The following MKLN1 variants were observed in gnomAD, a reference collection of about 807,000 sequenced individuals.
MKLN1 encodes the protein muskelin 1, also known as muskelin.
In MKLN1, 18 loss-of-function variants were observed where a neutral mutation model predicts 99.0. That is an observed-to-expected ratio of 0.18 (90% CI 0.13 to 0.27). The LOEUF (loss-of-function observed/expected upper bound fraction) is 0.27. MKLN1 is among the 10% of genes least tolerant of loss of function. The pLI, the probability that MKLN1 is intolerant of heterozygous loss-of-function variation, is 1.00. For synonymous variants in MKLN1, 288 were observed against 293.2 expected, an observed-to-expected ratio of 0.98 and a Z score of 0.18; for missense variants, 621 against 875.9, an observed-to-expected ratio of 0.71 and a Z score of 3.67.
At chr7:131,437,623 A>G (rs1049140179) in intron 9 of MKLN1, among the ~76,000 whole-genome samples, 162 bp from the exon 10 acceptor site, 1 of 152,194 alleles carries the variant, frequency 6.6e-6, no homozygotes, top group African/African-American at 2.4e-5. Flanking sequence ...TTAGAGAGTT[A>G]AGCCTAGTGT....
intron 1 of MKLN1, among the ~76,000 whole-genome samples, chr7:131,358,914 T>G (rs1799952407): frequency 6.6e-6 from 1 of 152,160 alleles, no homozygotes; most frequent in Non-Finnish European, 1.5e-5. Context: ...TTTTTTTCTT[T>G]GTTAGCCTAG....
intron 3 of MKLN1, among the ~76,000 whole-genome samples, chr7:131,204,827 A>C (rs1002645114): frequency 6.6e-6 from 1 of 151,964 alleles, no homozygotes; most frequent in Non-Finnish European, 1.5e-5. Context: ...CCAGCTACTC[A>C]GGAGGCTGAG....
At chr7:131,423,869 C>CT (rs1795275677) in intron 8 of MKLN1, among the ~76,000 whole-genome samples, 1 of 152,104 alleles carries the variant, frequency 6.6e-6, no homozygotes, top group Admixed American at 6.5e-5. Context: ...ACAATTCAGC[C>CT]TTTTAGTAAG....
chr7:131,359,732 TA>T (rs1387227927), intron 1 of MKLN1, among the ~76,000 whole-genome samples: 1 of 151,922 alleles, frequency 6.6e-6, no homozygotes, highest in Non-Finnish European at 1.5e-5. Context: ...ATGCCTCTTT[TA>T]TTTTTTTTTT....
At chr7:131,195,023 G>A (rs756081863) in intron 2 of MKLN1, among the ~76,000 whole-genome samples, 4 of 152,060 alleles carry the variant, frequency 2.6e-5, no homozygotes, top group South Asian at 2.1e-4. Flanking sequence ...AAGTTATCTC[G>A]CAAAAACAAA....
intron 3 of MKLN1, among the ~76,000 whole-genome samples, chr7:131,224,165 C>A (rs1195508040): frequency 6.6e-6 from 1 of 152,264 alleles, no homozygotes; most frequent in Non-Finnish European, 1.5e-5. Context: ...CTTTGGGAAG[C>A]TATTGGGGAC....
chr7:131,443,716 G>T lies in MKLN1; in HGVS notation c.1395+14G>T, dbSNP rs370070043. On this transcript the variant is annotated intron_variant, in intron 11 of 17. Coordinates refer to ENST00000352689, the MANE Select transcript of MKLN1 (RefSeq NM_013255.5). ...TTATTCCACTCAGTAAGAACATTCC[G>T]TACATTGCGTAAATGTTATTTTGTC... The T allele has an allele frequency of 4.6e-6, 7 of 1,519,604 alleles. No individual in the cohort carries two copies. Among genetic ancestry groups the T allele is most frequent in the Non-Finnish European group, 5.5e-6 (6 of 1,094,316 alleles). 94.1% of individuals were successfully genotyped at this position (1,519,604 alleles called of 1,614,324 possible). A position where few individuals can be genotyped will look rare whatever the true frequency, so the allele number is the denominator to read the frequency against.
At chr7:131,218,444 T>A (rs904620439) in intron 3 of MKLN1, among the ~76,000 whole-genome samples, 3 of 152,152 alleles carry the variant, frequency 2.0e-5, no homozygotes, top group African/African-American at 7.2e-5. Context: ...GTAGAGGGGG[T>A]TAGTTCAGGA....
chr7:131,323,104 C>G (rs990783021), upstream of MKLN1, among the ~76,000 whole-genome samples: 9 of 152,168 alleles, frequency 5.9e-5, no homozygotes, highest in African/African-American at 2.2e-4. Flanking sequence ...TTTTTATAGT[C>G]TCAGCAGTCT....
At chr7:131,327,768 T>C (rs1026545232), upstream of MKLN1, 2 of 1,422,812 alleles carry the variant, frequency 1.4e-6, no homozygotes, top group Non-Finnish European at 1.8e-6. Flanking sequence ...GGCGCTGGGC[T>C]CGGGTAACGA....
rs534200096 is a variant in MKLN1 at position 131,475,280 on chromosome 7, G to A, written c.2032-3343G>A. Among the ~76,000 whole-genome samples the A allele has an allele frequency of 2.0e-5, 3 of 152,188 alleles. No individual in the cohort carries two copies. The East Asian group carries it at 5.8e-4, about 29-fold the overall frequency. ...ATTGACAAATACTTTAAAAGACACA[G>A]TTTACCAAAACTGACACAAGAAGAA... On this transcript the variant is annotated intron_variant, in intron 16 of 17. Transcript: ENST00000352689.
intron 3 of MKLN1, among the ~76,000 whole-genome samples, chr7:131,218,468 G>T (rs1166066038): frequency 1.3e-5 from 2 of 152,136 alleles, no homozygotes; most frequent in African/African-American, 4.8e-5. Flanking sequence ...AAGTATCATC[G>T]TCTTTGTTTT....
chr7:131,313,830 G>A (rs546208533), intron 3 of MKLN1, among the ~76,000 whole-genome samples: 10 of 152,292 alleles, frequency 6.6e-5, no homozygotes, highest in African/African-American at 2.2e-4. Context: ...AGTTTTTAGA[G>A]CCTAATAATT....
intron 1 of MKLN1, among the ~76,000 whole-genome samples, chr7:131,333,390 T>TG (rs1260500833): frequency 3.3e-5 from 5 of 152,258 alleles, no homozygotes; most frequent in South Asian, 4.1e-4. Flanking sequence ...TTATTATGGA[T>TG]ACATTATATT....
chr7:131,140,469 G>T lies in MKLN1; in HGVS notation c.-418-2351G>T, dbSNP rs1174889846. On this transcript the variant is annotated intron_variant, in intron 1 of 7. Coordinates refer to the MKLN1 transcript ENST00000416992. ...GGGGTGGATCCCTCATGAATGGCTT[G>T]GTGCCTTTCTTGCTGTGATGAGTGA... Among the ~76,000 whole-genome samples the T allele has an allele frequency of 2.6e-5, 4 of 152,096 alleles. No homozygotes were observed. In the East Asian group the frequency reaches 7.7e-4, roughly 29 times the overall value.
At chr7:131,458,631 G>A (rs770590286) in intron 12 of MKLN1, among the ~76,000 whole-genome samples, 59 of 151,872 alleles carry the variant, frequency 3.9e-4, no homozygotes, top group Non-Finnish European at 6.9e-4. Context: ...CAGTGCCACC[G>A]TCTCTTATAT....
intron 2 of MKLN1, among the ~76,000 whole-genome samples, chr7:131,162,695 AC>A (rs1472797723): frequency 6.6e-6 from 1 of 152,192 alleles, no homozygotes; most frequent in Non-Finnish European, 1.5e-5. Context: ...AATCCGAAAT[AC>A]TTGTGGTCCC....
In MKLN1 at chr7:131,470,861, G is replaced by A. The variant is rs1796801292; in HGVS notation, c.1948G>A (p.Val650Met). 2 of 1,611,646 alleles carry A rather than the reference G, an allele frequency of 1.2e-6. No individual in the cohort carries two copies. Among genetic ancestry groups the A allele is most frequent in the Non-Finnish European group, 1.7e-6 (2 of 1,177,920 alleles). Residue 650 changes from valine to methionine, a missense_variant, in exon 16 of 18, where the codon GTG (valine) becomes ATG (methionine). Physicochemically the swap from Val to Met is conservative, Grantham distance 21. Coordinates refer to ENST00000352689, the MANE Select transcript of MKLN1 (RefSeq NM_013255.5). ...RKHRFEEKAQ[V>M]DPLSALKYLQ... ...TTCTAGGTTTGAAGAAAAGGCCCAA[G>A]TGGATCCCCTTAGTGCTCTGAAATA...
Position 131,470,546 on chromosome 7 carries a change from G to A in MKLN1, c.1929-296G>A, listed in dbSNP as rs139706542. ...ATACGTAGTATATTCACTTTGTTTG[G>A]TAGTTGGTTTAGTGCTACCTTGTAG... On this transcript the variant is annotated intron_variant, in intron 15 of 17. Coordinates refer to ENST00000352689, the MANE Select transcript of MKLN1 (RefSeq NM_013255.5). Among the ~76,000 whole-genome samples the A allele has an allele frequency of 4.1e-3, 627 of 152,252 alleles. 3 individuals are homozygous for A. Among genetic ancestry groups the A allele is most frequent in the African/African-American group, 0.014 (584 of 41,538 alleles).
Sources: gnomAD v4.1 joint callset for allele counts (sites outside exome capture counted in the v4.1 genomes callset) on GRCh38, gnomAD v4.1.1 for gene constraint, MANE v1.5 for transcripts, NCBI Gene and HGNC (gene_info 2026-07-23, HGNC 2026-07-21) for gene names.